Variants in POP4 observed in about 807,000 individuals in gnomAD.
POP4 encodes the protein POP4 ribonuclease P/MRP subunit, also known as ribonuclease P protein subunit p29.
POP4 carries 31 observed loss-of-function variants against 29.9 expected under a neutral mutation model. That is an observed-to-expected ratio of 1.04 (90% confidence interval 0.78 to 1.40). The LOEUF is 1.40. POP4 is among the 40% of genes most tolerant of loss of function. The probability of loss-of-function intolerance (pLI) is 0.00; values close to 1 mark genes in which losing one functional copy is unlikely to be tolerated. For missense variants in POP4, 286 were observed against 282.7 expected (o/e 1.01, Z -0.08); for synonymous variants, 110 against 108.2 (o/e 1.02, Z -0.10).
intron 2 of POP4, 173 bp downstream of exon 2, chr19:29,608,882 G>C: frequency 3.4e-6 from 2 of 585,166 alleles, no homozygotes; most frequent in East Asian, 3.0e-5. Flanking sequence ...CTGTTCCCAC[G>C]TGCCAGCCTC....
Position 29,610,477 on chromosome 19 carries a change from C to G in POP4, c.129C>G (p.Ser43Arg), listed in dbSNP as rs1440268826. The G allele has an allele frequency of 3.7e-6, 6 of 1,606,940 alleles. No homozygotes were observed. The highest frequency in any genetic ancestry group is 5.1e-6 in the Non-Finnish European group (6 of 1,176,794). Reference sequence around the variant, plus strand: ...TGAAGCGCAGCACGCCCCGCATGAGCCCGCAGGCCCGCGAGGACCAGCTGC... The same window carrying G: ...TGAAGCGCAGCACGCCCCGCATGAGGCCGCAGGCCCGCGAGGACCAGCTGC... ...AFLKRSTPRM[S>R]PQAREDQLQR... The change falls in exon 3 of 7, where the codon AGC becomes AGG. Residue 43 changes from serine to arginine, a missense_variant. Transcript: ENST00000585603.
intron 2 of POP4, 199 bp downstream of exon 2, chr19:29,608,908 A>C (rs1328249062): frequency 3.7e-6 from 2 of 546,070 alleles, no homozygotes; most frequent in Admixed American, 3.3e-5. Context: ...CTGTTGTGCC[A>C]AAGTCAAGTT....
chr19:29,615,675 AT>A lies in POP4; in HGVS notation c.*297del. On this transcript the variant is annotated 3_prime_UTR_variant, in exon 7 of 7. Coordinates refer to ENST00000585603, the MANE Select transcript of POP4 (RefSeq NM_006627.3). ...GTTAACACTGGTTGACTTGAATAGG[AT>A]TATTCGATTTTTAAAAATACTTTTC... The A allele has an allele frequency of 3.4e-6, 1 of 292,822 alleles. No individual in the cohort carries two copies. Among genetic ancestry groups the A allele is most frequent in the Non-Finnish European group, 6.4e-6 (1 of 156,810 alleles). The allele number at this position is 292,822 out of a possible 1,614,324, so 18.1% of individuals were successfully genotyped here.
rs772028611 is a variant in POP4, at chr19:29,615,423, T to G, written c.*43T>G. On this transcript the variant is annotated 3_prime_UTR_variant, in exon 7 of 7. Transcript: ENST00000585603. ...GCAGTTGTTTATGACAGCTGAAAAC[T>G]GGACACTCCCTAAATGTCCACCTTT... The G allele has an allele frequency of 6.9e-6, 11 of 1,598,480 alleles. No individual in the cohort carries two copies. The highest frequency in any genetic ancestry group is 9.4e-6 in the Non-Finnish European group (11 of 1,169,594).
chr19:29,612,015 A>G (rs1275625836), intron 4 of POP4, 76 bp downstream of exon 4: 1 of 1,587,482 alleles, frequency 6.3e-7, no homozygotes, highest in East Asian at 2.2e-5. Context: ...GGCTTCAGGA[A>G]CCAGCGTTGG....
intron 2 of POP4, chr19:29,610,112 A>G (rs987381907): frequency 3.0e-5 from 12 of 403,080 alleles, no homozygotes; most frequent in Non-Finnish European, 5.4e-5. Flanking sequence ...TTCAAGATAG[A>G]AAGGTTTTGG....
chr19:29,607,143 A>G (rs1479564024), intron 1 of POP4, among the ~76,000 whole-genome samples: 1 of 152,150 alleles, frequency 6.6e-6, no homozygotes, highest in Non-Finnish European at 1.5e-5. Flanking sequence ...TGATCAAACA[A>G]ACATACCTGG....
chr19:29,608,262 C>CTTTTCTTTTTTTTTTT (rs1491529433), intron 1 of POP4, among the ~76,000 whole-genome samples: 6 of 86,580 alleles, frequency 6.9e-5, no homozygotes, highest in South Asian at 4.4e-4. Context: ...CTTTTCTTTT[C>CTTTTCTTTTTTTTTTT]TTTTTTTTTT....
chr19:29,613,769 T>C, intron 5 of POP4, 102 bp from the exon 6 acceptor site: 2 of 1,499,678 alleles, frequency 1.3e-6, no homozygotes, highest in Admixed American at 2.5e-5. Flanking sequence ...ATCTGCTAGC[T>C]CAGAGGGTGG....
At chr19:29,612,995 G>A (rs376311942) in intron 5 of POP4, among the ~76,000 whole-genome samples, 2 of 152,100 alleles carry the variant, frequency 1.3e-5, no homozygotes, top group Admixed American at 6.5e-5. Context: ...AGGCCTCCCC[G>A]CTCCCTGGGG....
rs1163114531 is a variant in POP4 at position 29,615,224 on chromosome 19, T to C, written c.527-20T>C. On this transcript the variant is annotated intron_variant, in intron 6 of 6. Transcript: ENST00000585603. ...TTTCCTCATCTTTTTTTCTCCTGCC[T>C]TTTTTTTTTTTTTTTTCAGTTATCC... 9 of 105,012 alleles carry C rather than the reference T, an allele frequency of 8.6e-5. No individual in the cohort carries two copies. Among genetic ancestry groups the C allele is most frequent in the Admixed American group, 1.5e-4 (1 of 6,558 alleles). 6.5% of individuals were successfully genotyped at this position (105,012 alleles called of 1,614,324 possible).
Position 29,617,212 on chromosome 19 carries a change from T to C in POP4, c.*1832T>C, listed in dbSNP as rs1379163965. On this transcript the variant is annotated 3_prime_UTR_variant, in exon 7 of 7. Coordinates refer to ENST00000585603, the MANE Select transcript of POP4 (RefSeq NM_006627.3). ...AATGTAAAAGGCGTCCACTGTTGTG[T>C]AAATACACAGTTGCTTTCCAGAAAA... The C allele has an allele frequency of 1.3e-5, 2 of 152,266 alleles. No individual in the cohort carries two copies. The highest frequency in any genetic ancestry group is 2.9e-5 in the Non-Finnish European group (2 of 68,056). 9.4% of individuals were successfully genotyped at this position (152,266 alleles called of 1,614,324 possible).
chr19:29,611,666 T>A, intron 3 of POP4, 196 bp from the exon 4 acceptor site: 1 of 583,286 alleles, frequency 1.7e-6, no homozygotes, highest in South Asian at 2.0e-5. Context: ...GTCCTACCAA[T>A]GAGGAAACTG....
rs970151358 is a variant in POP4 at position 29,608,654 on chromosome 19, C to T, written c.8-3C>T. 36 of 1,613,236 alleles carry T rather than the reference C, an allele frequency of 2.2e-5. No individual in the cohort carries two copies. Among genetic ancestry groups the T allele is most frequent in the Non-Finnish European group, 2.9e-5 (34 of 1,179,418 alleles). On this transcript the variant is annotated splice_region_variant and splice_polypyrimidine_tract_variant and intron_variant, in intron 1 of 6. Coordinates refer to ENST00000585603, the MANE Select transcript of POP4 (RefSeq NM_006627.3). ...TGATCATTTCTTTTTTTTAATCCCC[C>T]AGGTGTGATCTACCATGCATTGTCT... is the stretch of plus-strand genomic sequence containing the variant.
intron 1 of POP4, among the ~76,000 whole-genome samples, chr19:29,608,105 T>A (rs1971021395): frequency 6.6e-6 from 1 of 152,174 alleles, no homozygotes; most frequent in South Asian, 2.1e-4. Flanking sequence ...TTAAACCATG[T>A]GCTTGGAACT....
rs1971126166 is a variant in POP4, at chr19:29,615,926, G to A, written c.*546G>A. On this transcript the variant is annotated 3_prime_UTR_variant, in exon 7 of 7. Coordinates refer to ENST00000585603, the MANE Select transcript of POP4 (RefSeq NM_006627.3). ...TTTACTTTGCTATTTCAGGAAGGTT[G>A]AAGAGGATTGAAGGGTGAGTTGCTA... The A allele has an allele frequency of 6.5e-6, 1 of 152,730 alleles. No individual in the cohort carries two copies. The highest frequency in any genetic ancestry group is 2.1e-4 in the South Asian group (1 of 4,862). 9.5% of individuals were successfully genotyped at this position (152,730 alleles called of 1,614,324 possible). A position where few individuals can be genotyped will look rare whatever the true frequency, so the allele number is the denominator to read the frequency against.
Position 29,616,634 on chromosome 19 carries a change from C to A in POP4, c.*1254C>A, listed in dbSNP as rs1971134641. The A allele has an allele frequency of 6.5e-6, 1 of 152,780 alleles. No individual in the cohort carries two copies. The highest frequency in any genetic ancestry group is 2.1e-4 in the South Asian group (1 of 4,832). 9.5% of individuals were successfully genotyped at this position (152,780 alleles called of 1,614,324 possible). On this transcript the variant is annotated 3_prime_UTR_variant, in exon 7 of 7. Transcript: ENST00000585603. ...GGCCCAGGTCTGTGCCACCACCCCT[C>A]CCCAAAGCTCAGTGCACCCAGAGTC... is the stretch of plus-strand genomic sequence containing the variant.
chr19:29,610,305 C>T (rs1971048355), intron 2 of POP4, 104 bp from the exon 3 acceptor site: 2 of 1,049,184 alleles, frequency 1.9e-6, no homozygotes, highest in Admixed American at 2.6e-5. Context: ...GGATGGGCCC[C>T]ATTTGCTCTT....
At chr19:29,612,065 T>A in intron 4 of POP4, 52 bp from the exon 5 acceptor site, 1 of 1,590,522 alleles carries the variant, frequency 6.3e-7, no homozygotes, top group Non-Finnish European at 8.5e-7. Flanking sequence ...TAGTTGCTTC[T>A]TTTGGAACTT....
Sources: gnomAD v4.1 joint callset for allele counts (sites outside exome capture counted in the v4.1 genomes callset) on GRCh38, gnomAD v4.1.1 for gene constraint, MANE v1.5 for transcripts, NCBI Gene and HGNC (gene_info 2026-07-23, HGNC 2026-07-21) for gene names.